Variants in ATP8A2 observed in about 807,000 individuals in gnomAD.
ATP8A2 encodes ATPase phospholipid transporting 8A2.
In ATP8A2, 100 loss-of-function variants were observed where a neutral mutation model predicts 165.6. The observed-to-expected ratio is 0.60, with a 90% confidence interval of 0.51 to 0.71. The LOEUF (loss-of-function observed/expected upper bound fraction) is 0.71, where lower values mean the gene tolerates loss of function less well. ATP8A2 is among the 30% of genes least tolerant of loss of function. ATP8A2 has a pLI of 0.00. For missense variants in ATP8A2, 1,227 were observed against 1,479.5 expected, an observed-to-expected ratio of 0.83 and a Z score of 2.80; for synonymous variants, 543 against 548.8, an observed-to-expected ratio of 0.99 and a Z score of 0.15.
At chr13:25,724,029 A>G (rs866502102) in intron 25 of ATP8A2, among the ~76,000 whole-genome samples, 3 of 152,216 alleles carry the variant, frequency 2.0e-5, no homozygotes, top group Admixed American at 6.5e-5. Flanking sequence ...GGCATCCAGC[A>G]TGAAAATGGG....
intron 24 of ATP8A2, among the ~76,000 whole-genome samples, chr13:25,689,365 T>C (rs968718509): frequency 4.8e-4 from 73 of 152,334 alleles, no homozygotes; most frequent in African/African-American, 1.6e-3. Flanking sequence ...TAACCCTTTA[T>C]CTTCCTTTGG....
At chr13:25,754,681 T>A (rs1248644201) in intron 25 of ATP8A2, among the ~76,000 whole-genome samples, 2 of 152,110 alleles carry the variant, frequency 1.3e-5, no homozygotes, top group African/African-American at 2.4e-5. Context: ...AAGCAAAAAA[T>A]CCCATTTTTA....
chr13:25,572,786 A>G (rs1566284692), intron 18 of ATP8A2, among the ~76,000 whole-genome samples: 2 of 152,184 alleles, frequency 1.3e-5, no homozygotes, highest in Non-Finnish European at 2.9e-5. Context: ...TTTTGGCTTT[A>G]TGGATGCATC....
rs187982148 is a variant in ATP8A2 at position 25,898,564 on chromosome 13, G to C, written c.3183+36156G>C. ...CCTCTCTTCAAAGCTGTCAGACAGGGACATTTAAGTCTGCAGAGGTTATTG... is the reference window on the plus strand; with the variant it reads ...CCTCTCTTCAAAGCTGTCAGACAGGCACATTTAAGTCTGCAGAGGTTATTG... On this transcript the variant is annotated intron_variant, in intron 33 of 36. Transcript: ENST00000381655. Among the ~76,000 whole-genome samples, 55 of 152,352 alleles carry C rather than the reference G, an allele frequency of 3.6e-4. 1 individual carries two copies. Among genetic ancestry groups the C allele is most frequent in the African/African-American group, 1.2e-3 (48 of 41,582 alleles).
intron 24 of ATP8A2, among the ~76,000 whole-genome samples, chr13:25,672,533 C>T (rs1046796204): frequency 5.9e-5 from 9 of 152,126 alleles, no homozygotes; most frequent in Admixed American, 2.0e-4. Flanking sequence ...ATTGGTTTTT[C>T]AAATCTGTGC....
At chr13:25,391,938 G>A (rs1204231135) in intron 1 of ATP8A2, among the ~76,000 whole-genome samples, 1 of 152,210 alleles carries the variant, frequency 6.6e-6, no homozygotes, top group Non-Finnish European at 1.5e-5. Context: ...ATCACACTTT[G>A]ATATAAATGC....
chr13:25,506,944 T>C (rs1295472702), intron 2 of ATP8A2, among the ~76,000 whole-genome samples: 1 of 128,540 alleles, frequency 7.8e-6, no homozygotes, highest in Non-Finnish European at 1.6e-5. Flanking sequence ...ACAGTACATA[T>C]ATATATATAT....
chr13:25,620,226 G>C (rs749785981), intron 24 of ATP8A2, among the ~76,000 whole-genome samples: 26 of 152,188 alleles, frequency 1.7e-4, no homozygotes, highest in Non-Finnish European at 3.4e-4. Flanking sequence ...AGAGAAGGTG[G>C]GGAGTAGGGG....
intron 24 of ATP8A2, among the ~76,000 whole-genome samples, chr13:25,691,467 G>GT (rs2042723712): frequency 6.6e-6 from 1 of 152,074 alleles, no homozygotes; most frequent in Non-Finnish European, 1.5e-5. Flanking sequence ...TTTGTTTTTC[G>GT]TTTTTTGGAA....
At chr13:25,549,051 G>C (rs1157772495) in intron 10 of ATP8A2, among the ~76,000 whole-genome samples, 2 of 152,154 alleles carry the variant, frequency 1.3e-5, no homozygotes, top group African/African-American at 2.4e-5. Flanking sequence ...TCAGATCAAT[G>C]GAGACTAGTG....
chr13:25,810,504 A>T (rs1950841894), intron 27 of ATP8A2, among the ~76,000 whole-genome samples: 2 of 151,838 alleles, frequency 1.3e-5, no homozygotes, highest in African/African-American at 4.8e-5. Flanking sequence ...AGGGCAGAGA[A>T]CATCTGTCTT....
chr13:25,554,957 T>C (rs2038936758), intron 12 of ATP8A2, 34 bp from the exon 13 acceptor site: 1 of 1,327,512 alleles, frequency 7.5e-7, no homozygotes, highest in East Asian at 2.3e-5. Context: ...GTATATATTT[T>C]CTGAAATCCT....
chr13:25,694,450 G>A (rs2042793481), intron 24 of ATP8A2, among the ~76,000 whole-genome samples: 1 of 152,070 alleles, frequency 6.6e-6, no homozygotes. Context: ...AGGTTTTTCT[G>A]TCCTTCATAC....
chr13:25,813,359 A>G (rs1950924935), intron 27 of ATP8A2, among the ~76,000 whole-genome samples: 1 of 138,496 alleles, frequency 7.2e-6, no homozygotes. Flanking sequence ...TGGGAGAGAC[A>G]GGCAAGCCAG....
intron 30 of ATP8A2, among the ~76,000 whole-genome samples, chr13:25,843,384 C>T (rs1253590962): frequency 1.3e-5 from 2 of 150,988 alleles, no homozygotes; most frequent in African/African-American, 2.5e-5. Context: ...CTGCTCATGC[C>T]CCCCCCGCCC....
At chr13:25,785,039 A>C (rs763893759) in intron 27 of ATP8A2, among the ~76,000 whole-genome samples, 1 of 151,822 alleles carries the variant, frequency 6.6e-6, no homozygotes, top group Non-Finnish European at 1.5e-5. Flanking sequence ...CCGGGATTAC[A>C]GGCATGAGCC....
chr13:25,954,575 C>T (rs1160459671), intron 33 of ATP8A2, among the ~76,000 whole-genome samples: 2 of 152,218 alleles, frequency 1.3e-5, no homozygotes, highest in South Asian at 4.1e-4. Context: ...GACACCACCT[C>T]TCAACAGGGG....
intron 25 of ATP8A2, among the ~76,000 whole-genome samples, chr13:25,731,266 G>A (rs185851826): frequency 2.3e-4 from 32 of 136,766 alleles, no homozygotes; most frequent in African/African-American, 8.6e-4. Context: ...GGAAGGAAGC[G>A]GGAGGAAGAA....
At chr13:25,835,784 T>C (rs1593423616) in intron 28 of ATP8A2, among the ~76,000 whole-genome samples, 2 of 152,194 alleles carry the variant, frequency 1.3e-5, no homozygotes, top group African/African-American at 4.8e-5. Context: ...TCATTGTCAC[T>C]GGAGATTGTT....
Sources: gnomAD v4.1 joint callset for allele counts (sites outside exome capture counted in the v4.1 genomes callset) on GRCh38, gnomAD v4.1.1 for gene constraint, MANE v1.5 for transcripts, NCBI Gene and HGNC (gene_info 2026-07-23, HGNC 2026-07-21) for gene names.